Variants in DBR1 observed in about 807,000 individuals in gnomAD.
The protein encoded by DBR1 is debranching RNA lariats 1.
Under a neutral mutation model 45.9 loss-of-function variants are expected in DBR1, and 33 were observed. The observed-to-expected ratio is 0.72, with a 90% CI of 0.55 to 0.96. The LOEUF is 0.96. DBR1 is among the 40% of genes least tolerant of loss of function. The pLI, the probability that DBR1 is intolerant of heterozygous loss-of-function variation, is 0.00. For missense variants in DBR1, 619 were observed against 667.4 expected (o/e 0.93, Z 0.80); for synonymous variants, 235 against 235.9 (o/e 1.00, Z 0.04).
At chr3:138,171,745 G>A (rs2042956648) in intron 2 of DBR1, 32 bp from the exon 3 acceptor site, 2 of 1,486,914 alleles carry the variant, frequency 1.3e-6, no homozygotes, top group Non-Finnish European at 1.9e-6. Flanking sequence ...AATTACTGTA[G>A]GCAAAAGGAA....
Position 138,173,087 on chromosome 3 carries a change from C to CAAA in DBR1, c.322+412_322+414dup, listed in dbSNP as rs374615762. On this transcript the variant is annotated intron_variant, in intron 2 of 7. Coordinates refer to ENST00000260803, the MANE Select transcript of DBR1 (RefSeq NM_016216.4). ...TAAATACTCTAGTCATCTCTTCCCACAAAAAAAAAAAAAAAAATCCAGGAG... is the reference window on the plus strand; with the variant it reads ...TAAATACTCTAGTCATCTCTTCCCACAAAAAAAAAAAAAAAAAAAATCCAGGAG... Among the ~76,000 whole-genome samples the CAAA allele has an allele frequency of 3.2e-3, 426 of 134,698 alleles. 4 individuals are homozygous for CAAA. The highest frequency in any genetic ancestry group is 4.8e-3 in the Non-Finnish European group (299 of 62,944). The allele number at this position is 134,698 out of a possible 152,430, so 88.4% of individuals were successfully genotyped here.
At position 138,161,684 on chromosome 3, in the gene DBR1, A is replaced by T; in HGVS notation, c.*205T>A. The T allele has an allele frequency of 2.0e-6, 1 of 493,162 alleles. No individual in the cohort carries two copies. The highest frequency in any genetic ancestry group is 3.7e-6 in the Non-Finnish European group (1 of 271,600). The allele number at this position is 493,162 out of a possible 1,614,324, so 30.5% of individuals were successfully genotyped here. The stretch of plus-strand genomic sequence containing the variant: ...AACACGGTGAAACCCTGTCATTACT[A>T]AAAATGCAAAAATTAGCCGGGTGTG... On this transcript the variant is annotated 3_prime_UTR_variant, in exon 8 of 8. Transcript: ENST00000260803.
chr3:138,170,156 A>C lies in DBR1; in HGVS notation c.440T>G (p.Ile147Ser). The change falls in exon 4 of 8, where the codon ATC (isoleucine) becomes AGC (serine). Residue 147 changes from isoleucine (I) to serine (S), a missense_variant. Physicochemically the swap from Ile to Ser is moderately radical, Grantham distance 142. Coordinates refer to ENST00000260803, the MANE Select transcript of DBR1 (RefSeq NM_016216.4). Reference protein sequence around the residue: ...FECPPYNSSTIRSIYHVRNIE... With the variant: ...FECPPYNSSTSRSIYHVRNIE... Reference sequence around the variant, plus strand: ...ATTTCTCACATGATATATACTCCTGATTGTAGATGAATTATAAGGGGGGCA... The same window carrying C: ...ATTTCTCACATGATATATACTCCTGCTTGTAGATGAATTATAAGGGGGGCA... 6.3e-7 allele frequency: 1 copy of C among 1,599,822 alleles called. No homozygotes were observed. The highest frequency in any genetic ancestry group is 8.5e-7 in the Non-Finnish European group (1 of 1,171,624).
At chr3:138,165,664 G>C (rs1372418294) in intron 5 of DBR1, among the ~76,000 whole-genome samples, 1 of 152,028 alleles carries the variant, frequency 6.6e-6, no homozygotes, top group South Asian at 2.1e-4. Context: ...GGAAGGTGGA[G>C]CTTGCAGTGA....
chr3:138,165,462 G>T (rs1457708294), intron 5 of DBR1, among the ~76,000 whole-genome samples: 1 of 152,136 alleles, frequency 6.6e-6, no homozygotes, highest in African/African-American at 2.4e-5. Context: ...AGGCGCGGTG[G>T]CTCATGCCTG....
chr3:138,174,555 T>TGCCCCCC, intron 1 of DBR1, 44 bp downstream of exon 1: 60 of 1,437,382 alleles, frequency 4.2e-5, no homozygotes, highest in East Asian at 7.5e-5. Flanking sequence ...GGGAACCCAG[T>TGCCCCCC]CCCACCCCCC....
chr3:138,173,559 T>C lies in DBR1; in HGVS notation c.265A>G (p.Asn89Asp), dbSNP rs1257534777. 6.2e-7 allele frequency: 1 copy of C among 1,613,824 alleles called. No homozygotes were observed. The highest frequency in any genetic ancestry group is 1.3e-5 in the African/African-American group (1 of 74,904). ...CCATAGGGTAACTCTTGCAAATGATTTGAGGCTTCATGGTTTCCCCCAATG... is the reference window on the plus strand; with the variant it reads ...CCATAGGGTAACTCTTGCAAATGATCTGAGGCTTCATGGTTTCCCCCAATG... ...LFIGGNHEAS[N>D]HLQELPYGGW... Residue 89 changes from asparagine (N) to aspartate (D), a missense_variant, in exon 2 of 8, where the codon AAT becomes GAT. Asn to Asp is a conservative substitution (Grantham distance 23, BLOSUM62 1). Coordinates refer to ENST00000260803, the MANE Select transcript of DBR1 (RefSeq NM_016216.4).
rs1008195618 is a variant in DBR1 at position 138,174,871 on chromosome 3, G to T, written c.-76C>A. ...CAGCCCAGGACCGACTGATCGCTCA[G>T]CTCCCGCCAACTTTAATAAGTATAG... On this transcript the variant is annotated 5_prime_UTR_variant, in exon 1 of 8. It adds an upstream start codon to the 5' untranslated region. Transcript: ENST00000260803. 1.4e-6 allele frequency: 2 copies of T among 1,431,136 alleles called. No individual in the cohort carries two copies. The highest frequency in any genetic ancestry group is 9.5e-7 in the Non-Finnish European group (1 of 1,052,880). The allele number at this position is 1,431,136 out of a possible 1,614,324, so 88.7% of individuals were successfully genotyped here.
Position 138,171,638 on chromosome 3 carries a change from C to G in DBR1, c.398G>C (p.Arg133Pro), listed in dbSNP as rs139875059. Residue 133 changes from arginine (R) to proline (P), a missense_variant, in exon 3 of 8, where the codon CGA becomes CCA. This residue lies in a region of DBR1 where 430 missense variants were observed against 447.7 expected (regional missense o/e 0.96). Transcript: ENST00000260803. ...AATAATTCTCAAAACAATACCTTTTCGATAGTCATGAGATTTAAAGATACC... is the reference window on the plus strand; with the variant it reads ...AATAATTCTCAAAACAATACCTTTTGGATAGTCATGAGATTTAAAGATACC... The part of the protein sequence containing the change: ...ISGIFKSHDY[R>P]KGHFECPPYN... 2 of 1,610,132 alleles carry G rather than the reference C, an allele frequency of 1.2e-6. No homozygotes were observed. Among genetic ancestry groups the G allele is most frequent in the South Asian group, 1.1e-5 (1 of 90,906 alleles).
chr3:138,162,248 G>A lies in DBR1; in HGVS notation c.1276C>T (p.Pro426Ser). ...TDTSALSSINPDEIMLDEEED... is the reference protein window; with the variant it reads ...TDTSALSSINSDEIMLDEEED... ...TCTTCATCTAACATTATTTCATCTG[G>A]ATTAATAGAAGACAGAGCAGATGTG... is the stretch of plus-strand genomic sequence containing the variant. The change falls in exon 8 of 8, where the codon CCA becomes TCA. Residue 426 changes from proline (P) to serine (S), a missense_variant. Physicochemically the swap from Pro to Ser is moderately conservative, Grantham distance 74. Transcript: ENST00000260803. 6.2e-7 allele frequency: 1 copy of A among 1,613,928 alleles called. No individual in the cohort carries two copies. The highest frequency in any genetic ancestry group is 1.1e-5 in the South Asian group (1 of 91,076).
At chr3:138,163,316 G>A in intron 7 of DBR1, 33 bp downstream of exon 7, 3 of 1,601,120 alleles carry the variant, frequency 1.9e-6, no homozygotes, top group Non-Finnish European at 2.6e-6. Context: ...GCATGCAATG[G>A]AAAAAGCAGG....
At chr3:138,164,284 A>G (rs2042920644) in intron 5 of DBR1, 1 of 154,440 alleles carries the variant, frequency 6.5e-6, no homozygotes, top group Non-Finnish European at 1.4e-5. Context: ...TACAACACCA[A>G]AAATAGATGT....
Position 138,174,788 on chromosome 3 carries a change from A to T in DBR1, c.8T>A (p.Val3Glu), listed in dbSNP as rs1322883949. Residue 3 changes from valine (V) to glutamate (E), a missense_variant, in exon 1 of 8, where the codon GTG (valine) becomes GAG (glutamate). By Grantham distance (121) the Val-to-Glu change is moderately radical. This residue lies in a region of DBR1 where 430 missense variants were observed against 447.7 expected (regional missense o/e 0.96). Coordinates refer to ENST00000260803, the MANE Select transcript of DBR1 (RefSeq NM_016216.4). ...GCCGTGGCAGCAGCCAGCCACAGCC[A>T]CCCGCATTCTGCCGGCCTGAGGAGG... MR[V>E]AVAGCCHGEL... 2 of 1,611,068 alleles carry T rather than the reference A, an allele frequency of 1.2e-6. No individual in the cohort carries two copies. Among genetic ancestry groups the T allele is most frequent in the Admixed American group, 1.7e-5 (1 of 59,846 alleles).
intron 5 of DBR1, 85 bp downstream of exon 5, chr3:138,166,996 T>C: frequency 8.0e-7 from 1 of 1,255,480 alleles, no homozygotes; most frequent in Middle Eastern, 1.9e-4. Context: ...ATCTTTTACT[T>C]CTTTCTCTAA....
In DBR1 at chr3:138,174,707, G is replaced by A. The variant is rs371721344; in HGVS notation, c.89C>T (p.Pro30Leu). 2 of 1,612,686 alleles carry A rather than the reference G, an allele frequency of 1.2e-6. No homozygotes were observed. The highest frequency in any genetic ancestry group is 1.3e-5 in the African/African-American group (1 of 74,922). Residue 30 changes from proline to leucine, a missense_variant, in exon 1 of 8, where the codon CCT becomes CTT. Physicochemically the swap from Pro to Leu is moderately conservative, Grantham distance 98 (BLOSUM62 -3). Around this residue, in one of 3 missense-constraint regions of DBR1, gnomAD observed 430 missense variants for 447.7 expected, o/e 0.96. Transcript: ENST00000260803. The part of the protein sequence containing the change: ...LALAERRGPG[P>L]VDLLLCCGDF... ...GCCGCAGCACAGCAAGAGGTCGACA[G>A]GCCCCGGGCCGCGCCGCTCTGCCAG... is the stretch of plus-strand genomic sequence containing the variant.
intron 6 of DBR1, 88 bp downstream of exon 6, chr3:138,163,690 G>A (rs1304744364): frequency 2.0e-6 from 2 of 1,014,890 alleles, no homozygotes; most frequent in Non-Finnish European, 2.7e-6. Flanking sequence ...ATTACAAACA[G>A]AACAAAAAAA....
At chr3:138,170,262 C>T in intron 3 of DBR1, 70 bp from the exon 4 acceptor site, 1 of 952,426 alleles carries the variant, frequency 1.0e-6, no homozygotes, top group Non-Finnish European at 1.6e-6. Context: ...GACATATACA[C>T]AGGTCTCCAA....
At chr3:138,174,500 G>A (rs2042969549) in intron 1 of DBR1, 99 bp downstream of exon 1, 21 of 1,255,982 alleles carry the variant, frequency 1.7e-5, no homozygotes, top group Non-Finnish European at 2.1e-5. Flanking sequence ...GAGATACAGA[G>A]AGAACAAAGA....
Position 138,161,077 on chromosome 3 carries a change from G to C in DBR1, c.*812C>G, listed in dbSNP as rs532548087. On this transcript the variant is annotated 3_prime_UTR_variant, in exon 8 of 8. Transcript: ENST00000260803. ...CCATCTTCAATTTCAATTTTTATTT[G>C]ACAGATATTAAAAGCTGATCAGGAA... is the stretch of plus-strand genomic sequence containing the variant. 1.3e-5 allele frequency: 2 copies of C among 151,856 alleles called. No individual in the cohort carries two copies. The highest frequency in any genetic ancestry group is 3.9e-4 in the East Asian group (2 of 5,152). The allele number at this position is 151,856 out of a possible 1,614,324, so 9.4% of individuals were successfully genotyped here.
Sources: allele counts gnomAD v4.1 joint callset (sites outside exome capture counted in the v4.1 genomes callset), GRCh38; gene constraint gnomAD v4.1.1; regional missense constraint gnomAD v4.1.1; transcripts MANE v1.5; gene names NCBI Gene and HGNC (gene_info 2026-07-23, HGNC 2026-07-21).